Variants in TNIK observed in about 807,000 individuals in gnomAD.
The protein encoded by TNIK is TRAF2 and NCK interacting kinase, also known as TRAF2 and NCK-interacting protein kinase.
A neutral mutation model predicts 191.3 loss-of-function variants in TNIK; 49 were observed. The ratio of observed to expected loss-of-function variants is 0.26; its 90% confidence interval spans 0.20 to 0.32. The LOEUF (loss-of-function observed/expected upper bound fraction) is 0.32, where lower values mean the gene tolerates loss of function less well. Ranked by LOEUF, TNIK falls within the 10% of genes least tolerant of loss-of-function variation. TNIK has a pLI of 1.00. For synonymous variants in TNIK, 594 were observed against 600.9 expected, an observed-to-expected ratio of 0.99 and a Z score of 0.17; for missense variants, 1,155 against 1,702.3, an observed-to-expected ratio of 0.68 and a Z score of 5.66.
intron 15 of TNIK, among the ~76,000 whole-genome samples, chr3:171,136,233 A>G (rs1729960121): frequency 6.6e-6 from 1 of 152,218 alleles, no homozygotes; most frequent in African/African-American, 2.4e-5. Flanking sequence ...CCAAGTGGTC[A>G]TGCATCAAGG....
chr3:171,225,205 GC>G (rs1742825814), intron 3 of TNIK, among the ~76,000 whole-genome samples: 2 of 152,108 alleles, frequency 1.3e-5, no homozygotes, highest in Admixed American at 1.3e-4. Context: ...AGACAACATG[GC>G]AAAATAGAAT....
intron 2 of TNIK, among the ~76,000 whole-genome samples, chr3:171,307,986 A>G (rs1243090292): frequency 3.9e-5 from 6 of 152,172 alleles, no homozygotes; most frequent in Non-Finnish European, 8.8e-5. Flanking sequence ...ATATTGTTAA[A>G]TTGGCCATCC....
intron 4 of TNIK, among the ~76,000 whole-genome samples, chr3:171,202,729 T>C (rs1560256024): frequency 1.3e-5 from 2 of 152,246 alleles, no homozygotes; most frequent in African/African-American, 2.4e-5. Flanking sequence ...TTAAGTTACG[T>C]GTAGCTTCAG....
Position 171,060,021 on chromosome 3 carries a change from T to C in TNIK, c.*3860A>G, listed in dbSNP as rs58141323. Among the ~76,000 whole-genome samples the C allele has an allele frequency of 0.097, 14,812 of 152,128 alleles. 803 individuals are homozygous for C. The highest frequency in any genetic ancestry group is 0.13 in the Middle Eastern group (39 of 294). On this transcript the variant is annotated 3_prime_UTR_variant, in exon 33 of 33. Coordinates refer to ENST00000436636, the MANE Select transcript of TNIK (RefSeq NM_015028.4). ...AATTAAAAGTTTTATCAATAACTAT[T>C]TTTTTTCTTAAAAATAATGTAGCAC...
intron 2 of TNIK, among the ~76,000 whole-genome samples, chr3:171,299,011 T>G (rs1752613747): frequency 1.3e-5 from 2 of 152,080 alleles, no homozygotes; most frequent in Admixed American, 6.5e-5. Flanking sequence ...CTGACCGAAG[T>G]CTTGGTGGGA....
intron 4 of TNIK, among the ~76,000 whole-genome samples, chr3:171,202,202 C>G (rs912051131): frequency 2.6e-5 from 4 of 151,532 alleles, no homozygotes; most frequent in African/African-American, 9.7e-5. Context: ...AAATTTTCTG[C>G]ATATATATAT....
chr3:171,445,025 T>C (rs1001695202), intron 1 of TNIK, among the ~76,000 whole-genome samples: 6 of 151,992 alleles, frequency 3.9e-5, no homozygotes, highest in African/African-American at 1.5e-4. Flanking sequence ...AAGGAAACTA[T>C]CTTTTAAACA....
chr3:171,417,468 T>G (rs566014195), intron 1 of TNIK, among the ~76,000 whole-genome samples: 1 of 152,216 alleles, frequency 6.6e-6, no homozygotes, highest in African/African-American at 2.4e-5. Context: ...AGAACTTTTA[T>G]AGTTACTTAT....
At chr3:171,193,604 C>T (rs562729673) in intron 5 of TNIK, among the ~76,000 whole-genome samples, 24 of 152,312 alleles carry the variant, frequency 1.6e-4, no homozygotes, top group African/African-American at 5.8e-4. Context: ...ACATCGTCTT[C>T]TTATGCCTTC....
At chr3:171,202,894 A>C (rs1441662905) in intron 4 of TNIK, among the ~76,000 whole-genome samples, 1 of 152,208 alleles carries the variant, frequency 6.6e-6, no homozygotes, top group Non-Finnish European at 1.5e-5. Context: ...TCTGCTCACA[A>C]ATAACAAGAC....
At position 171,068,155 on chromosome 3, in the gene TNIK, T is replaced by C. The variant is rs1009838979; in HGVS notation, c.3699+693A>G. ...GTGCAGCATTTCCCTTTAACAGTTA[T>C]GTTTCAAGCAATATGTCAGGATAGT... On this transcript the variant is annotated intron_variant, in intron 30 of 32. Transcript: ENST00000436636. 1.6e-4 allele frequency among the ~76,000 whole-genome samples: 25 copies of C among 152,270 alleles called. 1 individual carries two copies. The highest frequency in any genetic ancestry group is 1.4e-3 in the Admixed American group (21 of 15,294).
Position 171,066,557 on chromosome 3 carries a change from T to C in TNIK, c.3859+19A>G. 1 of 1,613,234 alleles carries C rather than the reference T, an allele frequency of 6.2e-7. No individual in the cohort carries two copies. The highest frequency in any genetic ancestry group is 8.5e-7 in the Non-Finnish European group (1 of 1,179,774). ...TGGGGGGTGTAACTGCTGAAGGAGA[T>C]AAGGAATGGTTAACCTACCCACAGA... is the stretch of plus-strand genomic sequence containing the variant. On this transcript the variant is annotated intron_variant, in intron 31 of 32. Coordinates refer to ENST00000436636, the MANE Select transcript of TNIK (RefSeq NM_015028.4).
intron 2 of TNIK, among the ~76,000 whole-genome samples, chr3:171,317,431 A>C (rs1046235953): frequency 2.6e-5 from 4 of 152,184 alleles, no homozygotes; most frequent in African/African-American, 9.6e-5. Context: ...AATGCTGCCA[A>C]ATGGAGAGAC....
chr3:171,247,544 GTA>G (rs1401706072), intron 2 of TNIK, among the ~76,000 whole-genome samples: 2 of 152,186 alleles, frequency 1.3e-5, no homozygotes, highest in Non-Finnish European at 2.9e-5. Context: ...CGGGGGCCGG[GTA>G]GACATCCAGA....
chr3:171,187,566 A>G (rs764204647), intron 7 of TNIK, among the ~76,000 whole-genome samples: 1 of 152,188 alleles, frequency 6.6e-6, no homozygotes, highest in Non-Finnish European at 1.5e-5. Flanking sequence ...ATATTCCTTA[A>G]AAGTGAAATA....
intron 9 of TNIK, among the ~76,000 whole-genome samples, chr3:171,172,647 C>G (rs1383455802): frequency 1.3e-5 from 2 of 152,196 alleles, no homozygotes; most frequent in Non-Finnish European, 2.9e-5. Context: ...TCTACAAAGG[C>G]TGGGATCGAA....
chr3:171,331,181 A>G (rs1032233604), intron 2 of TNIK, among the ~76,000 whole-genome samples: 2 of 152,104 alleles, frequency 1.3e-5, no homozygotes, highest in Non-Finnish European at 2.9e-5. Context: ...AGCTCCTTTC[A>G]TTTCTGAGTG....
chr3:171,326,228 T>C (rs1280779585), intron 2 of TNIK, among the ~76,000 whole-genome samples: 1 of 152,216 alleles, frequency 6.6e-6, no homozygotes, highest in African/African-American at 2.4e-5. Flanking sequence ...AACCATTGGT[T>C]TTAAATGTTT....
chr3:171,195,159 TCAATAAA>T (rs1400331251), intron 4 of TNIK, among the ~76,000 whole-genome samples: 1 of 152,156 alleles, frequency 6.6e-6, no homozygotes, highest in Non-Finnish European at 1.5e-5. Context: ...TCAAATAAAT[TCAATAAA>T]CAATAAACTC....
Sources: gnomAD v4.1 joint callset for allele counts (sites outside exome capture counted in the v4.1 genomes callset) on GRCh38, gnomAD v4.1.1 for gene constraint, MANE v1.5 for transcripts, NCBI Gene and HGNC (gene_info 2026-07-23, HGNC 2026-07-21) for gene names.